Variants in L3MBTL2 observed in about 807,000 individuals in gnomAD.
The protein encoded by L3MBTL2 is L3MBTL histone methyl-lysine binding protein 2, also known as lethal(3)malignant brain tumor-like protein 2.
Under a neutral mutation model 86.4 loss-of-function variants are expected in L3MBTL2, and 49 were observed. That is an observed-to-expected ratio of 0.57 (90% CI 0.45 to 0.72). L3MBTL2 has a LOEUF of 0.72. L3MBTL2 is among the 30% of genes least tolerant of loss of function. The probability of loss-of-function intolerance (pLI) is 0.00; values close to 1 mark genes in which losing one functional copy is unlikely to be tolerated. For missense variants in L3MBTL2, 755 were observed against 923.7 expected (o/e 0.82, Z 2.37); for synonymous variants, 336 against 350.6 (o/e 0.96, Z 0.47).
At chr22:41,209,491 A>G in intron 1 of L3MBTL2, 1 of 556,876 alleles carries the variant, frequency 1.8e-6, no homozygotes, top group Non-Finnish European at 3.2e-6. Flanking sequence ...AATTCCTAAC[A>G]CATATTTTCT....
intron 4 of L3MBTL2, among the ~76,000 whole-genome samples, chr22:41,216,478 T>G (rs12329943): frequency 6.6e-6 from 1 of 152,182 alleles, no homozygotes; most frequent in Non-Finnish European, 1.5e-5. Flanking sequence ...TCAGGACTCC[T>G]ACCCATGATA....
At chr22:41,223,604 C>T (rs1189391809) in intron 8 of L3MBTL2, among the ~76,000 whole-genome samples, 1 of 152,252 alleles carries the variant, frequency 6.6e-6, no homozygotes, top group African/African-American at 2.4e-5. Context: ...GATCAGAGTG[C>T]AGAGCCCATG....
chr22:41,217,543 C>T, intron 5 of L3MBTL2: 1 of 255,718 alleles, frequency 3.9e-6, no homozygotes. Context: ...CAGGGTGCTT[C>T]TGTAGCTGGC....
At chr22:41,208,191 G>C in intron 1 of L3MBTL2, 3 of 295,478 alleles carry the variant, frequency 1.0e-5, no homozygotes, top group South Asian at 7.5e-5. Flanking sequence ...GATTGCAGTG[G>C]CATGGTTATG....
rs533084703 is a variant in L3MBTL2 at position 41,225,561 on chromosome 22, C to T, written c.1357-233C>T. The stretch of plus-strand genomic sequence containing the variant: ...CAAGAACACGGTCCAACAGGATGGA[C>T]GCGGCCCCTGCTGGCGTGGTGTTTG... On this transcript the variant is annotated intron_variant, in intron 11 of 16. Transcript: ENST00000216237. The surrounding 1 kb of genome is among the most constrained non-coding windows in gnomAD (Gnocchi z 4.1). Among the ~76,000 whole-genome samples, 3 of 152,296 alleles carry T rather than the reference C, an allele frequency of 2.0e-5. No individual in the cohort carries two copies. The highest frequency in any genetic ancestry group is 2.1e-4 in the South Asian group (1 of 4,828).
chr22:41,208,198 T>C, intron 1 of L3MBTL2: 1 of 322,104 alleles, frequency 3.1e-6, no homozygotes, highest in South Asian at 2.3e-5. Context: ...GTGGCATGGT[T>C]ATGGCTCACT....
chr22:41,216,773 C>T (rs185932675), intron 4 of L3MBTL2, among the ~76,000 whole-genome samples: 1 of 152,346 alleles, frequency 6.6e-6, no homozygotes, highest in South Asian at 2.1e-4. Flanking sequence ...CCCCCTCCCC[C>T]ACATTTAGAT....
rs1230801587 is a variant in L3MBTL2 at position 41,226,684 on chromosome 22, C to T, written c.1527C>T (p.Asn509=). 6.2e-6 allele frequency: 10 copies of T among 1,613,794 alleles called. No individual in the cohort carries two copies. The highest frequency in any genetic ancestry group is 2.7e-5 in the African/African-American group (2 of 74,948). ...CAGGTTATGAGGCACAGACTTTCAA[C>T]TGGGAGAACTACTTGGAGAAGACCA... ...PPKGYEAQTF[N]WENYLEKTKS... is the part of the protein sequence containing the mutation. Residue 509 remains asparagine, a synonymous_variant, in exon 13 of 17, where the codon AAC becomes AAT. Coordinates refer to ENST00000216237, the MANE Select transcript of L3MBTL2 (RefSeq NM_031488.5).
chr22:41,218,695 C>T lies in L3MBTL2; in HGVS notation c.601-724C>T, dbSNP rs117997267. ...CTGGAGTGCAATGGCACTATCTCAG[C>T]TCACAGCAGCCTCCCCCTCCCAGGT... On this transcript the variant is annotated intron_variant, in intron 5 of 16. Transcript: ENST00000216237. 801 of 152,402 alleles carry T rather than the reference C, an allele frequency of 5.3e-3. 4 individuals carry two copies. Among genetic ancestry groups the T allele is most frequent in the Non-Finnish European group, 8.0e-3 (547 of 68,130 alleles). The allele number at this position is 152,402 out of a possible 1,614,324, so 9.4% of individuals were successfully genotyped here. A position where few individuals can be genotyped will look rare whatever the true frequency, so the allele number is the denominator to read the frequency against.
rs2030866657 is a variant in L3MBTL2 at position 41,211,832 on chromosome 22, C to T, written c.262+1899C>T. Among the ~76,000 whole-genome samples, 3 of 141,656 alleles carry T rather than the reference C, an allele frequency of 2.1e-5. No homozygotes were observed. In the South Asian group the frequency reaches 6.7e-4, roughly 32 times the overall value. 92.9% of individuals were successfully genotyped at this position (141,656 alleles called of 152,430 possible). On this transcript the variant is annotated intron_variant, in intron 2 of 16. Coordinates refer to ENST00000216237, the MANE Select transcript of L3MBTL2 (RefSeq NM_031488.5). ...TCGGCCTCCAAAAATGCTGGGATTA[C>T]AGGCGTGAGCCACCGCACCCGGCCT...
In L3MBTL2 at chr22:41,205,325, T is replaced by C. The variant is rs2030108404; in HGVS notation, c.-38T>C. The C allele has an allele frequency of 1.2e-6, 2 of 1,613,710 alleles. No homozygotes were observed. Among genetic ancestry groups the C allele is most frequent in the Non-Finnish European group, 1.7e-6 (2 of 1,179,768 alleles). ...GAGCGACGGGGCAGGCCAATATGGC[T>C]TCCTGCACCTGGTGACGCTTGGCGA... On this transcript the variant is annotated 5_prime_UTR_variant, in exon 1 of 17. Coordinates refer to ENST00000216237, the MANE Select transcript of L3MBTL2 (RefSeq NM_031488.5).
At chr22:41,214,175 G>A in intron 3 of L3MBTL2, 149 bp downstream of exon 3, 2 of 715,996 alleles carry the variant, frequency 2.8e-6, no homozygotes, top group Admixed American at 2.8e-5. Context: ...TCAGAGGACA[G>A]TAGAATCCAT....
Position 41,227,319 on chromosome 22 carries a change from C to T in L3MBTL2, c.1818C>T (p.Ala606=), listed in dbSNP as rs747708873. 1.4e-5 allele frequency: 22 copies of T among 1,596,756 alleles called. No homozygotes were observed. The highest frequency in any genetic ancestry group is 8.1e-5 in the African/African-American group (6 of 74,520). The change falls in exon 14 of 17, where the codon GCC becomes GCT. Residue 606 remains alanine (A), a synonymous_variant. Transcript: ENST00000216237. The surrounding 1 kb of genome is among the most constrained non-coding windows in gnomAD (Gnocchi z 6.0). Reference sequence around the variant, plus strand: ...GCTACCAGCTCCAGCCTCCTGTGGCCGCAGGTGTGGGCTCTCGTGGCCCTA... The same window carrying T: ...GCTACCAGCTCCAGCCTCCTGTGGCTGCAGGTGTGGGCTCTCGTGGCCCTA... ...LTGYQLQPPV[A]AEPATPLKAK...
chr22:41,226,697 T>C lies in L3MBTL2; in HGVS notation c.1540T>C (p.Leu514=), dbSNP rs747556794. The C allele has an allele frequency of 4.3e-6, 7 of 1,614,020 alleles. No individual in the cohort carries two copies. The highest frequency in any genetic ancestry group is 8.5e-7 in the Non-Finnish European group (1 of 1,179,896). Residue 514 remains leucine (L), a synonymous_variant, in exon 13 of 17, where the codon TTG becomes CTG. Transcript: ENST00000216237. ...EAQTFNWENY[L]EKTKSKAAPS... ...ACAGACTTTCAACTGGGAGAACTAC[T>C]TGGAGAAGACCAAGTCGAAAGCCGC...
In L3MBTL2 at chr22:41,231,190, G is replaced by A. The variant is rs879323183; in HGVS notation, c.*939G>A. The stretch of plus-strand genomic sequence containing the variant: ...CCTCAAGACAAGGATGACAGAGCTG[G>A]AGGACACATCTAGCTGCCATTGCAA... On this transcript the variant is annotated 3_prime_UTR_variant, in exon 17 of 17. Coordinates refer to ENST00000216237, the MANE Select transcript of L3MBTL2 (RefSeq NM_031488.5). 1 of 152,180 alleles carries A rather than the reference G, an allele frequency of 6.6e-6. No individual in the cohort carries two copies. Among genetic ancestry groups the A allele is most frequent in the Non-Finnish European group, 1.5e-5 (1 of 68,044 alleles). The allele number at this position is 152,180 out of a possible 1,614,324, so 9.4% of individuals were successfully genotyped here.
At chr22:41,219,906 G>T (rs2031690000) in intron 6 of L3MBTL2, among the ~76,000 whole-genome samples, 1 of 152,140 alleles carries the variant, frequency 6.6e-6, no homozygotes, top group African/African-American at 2.4e-5. Flanking sequence ...ACCACACACG[G>T]CTAATGTTTG....
At chr22:41,223,613 TGAG>T (rs544570084) in intron 8 of L3MBTL2, among the ~76,000 whole-genome samples, 269 of 152,306 alleles carry the variant, frequency 1.8e-3, no homozygotes, top group Non-Finnish European at 2.8e-3. Context: ...GCAGAGCCCA[TGAG>T]GAGCACAGGC....
At position 41,217,183 on chromosome 22, in the gene L3MBTL2, C is replaced by T; in HGVS notation, c.581C>T (p.Pro194Leu). Residue 194 changes from proline to leucine, a missense_variant, in exon 5 of 17, where the codon CCC becomes CTC. Pro to Leu is a moderately conservative substitution (Grantham distance 98). This residue lies in a region of L3MBTL2 where 634 missense variants were observed against 748.9 expected (regional missense o/e 0.85). Coordinates refer to ENST00000216237, the MANE Select transcript of L3MBTL2 (RefSeq NM_031488.5). ...AAGGATCACAGTTACAAGGCTGCTC[C>T]CGTCAGCTGTTTCAAGCACGTGAGT... ...FLKDHSYKAA[P>L]VSCFKHVPLY... 6.2e-7 allele frequency: 1 copy of T among 1,613,736 alleles called. No individual in the cohort carries two copies. Among genetic ancestry groups the T allele is most frequent in the East Asian group, 2.2e-5 (1 of 44,886 alleles).
chr22:41,219,417 A>G lies in L3MBTL2; in HGVS notation c.601-2A>G. The G allele has an allele frequency of 6.2e-7, 1 of 1,600,090 alleles. No homozygotes were observed. ...TCTCGGTACACTCTCATCGCCACAC[A>G]GGTCCCACTCTATGACCAGTGGGAG... On this transcript the variant is annotated splice_acceptor_variant, in intron 5 of 16. Coordinates refer to ENST00000216237, the MANE Select transcript of L3MBTL2 (RefSeq NM_031488.5). LOFTEE classifies it high-confidence loss of function.
Sources: gnomAD v4.1 joint callset for allele counts (sites outside exome capture counted in the v4.1 genomes callset) on GRCh38, gnomAD v4.1.1 for gene constraint, gnomAD v4.1.1 regional missense constraint, Gnocchi (gnomAD v3.1) non-coding constraint, MANE v1.5 for transcripts, NCBI Gene and HGNC (gene_info 2026-07-23, HGNC 2026-07-21) for gene names.